The following DTWD2 variants were observed in gnomAD, a reference collection of about 807,000 sequenced individuals.
DTWD2 encodes the protein tRNA-uridine aminocarboxypropyltransferase 2.
In DTWD2, 39 loss-of-function variants were observed where a neutral mutation model predicts 31.8. That is an observed-to-expected ratio of 1.22 (90% confidence interval 0.95 to 1.60). The LOEUF (loss-of-function observed/expected upper bound fraction) is 1.60, where lower values mean the gene tolerates loss of function less well. Among genes scored for constraint, DTWD2 ranks in the 40% most tolerant of loss-of-function variants. The pLI, the probability that DTWD2 is intolerant of heterozygous loss-of-function variation, is 0.00. For missense variants in DTWD2, 515 were observed against 381.5 expected (o/e 1.35, Z -2.92); for synonymous variants, 180 against 142.8 (o/e 1.26, Z -1.86).
chr5:118,914,911 A>G (rs1753539116), intron 4 of DTWD2, among the ~76,000 whole-genome samples: 1 of 152,198 alleles, frequency 6.6e-6, no homozygotes, highest in Non-Finnish European at 1.5e-5. Context: ...CTGGTTTTTA[A>G]AAATCCTTAT....
At chr5:118,842,176 AT>A (rs574574389) in intron 5 of DTWD2, among the ~76,000 whole-genome samples, 2 of 152,302 alleles carry the variant, frequency 1.3e-5, no homozygotes, top group Non-Finnish European at 2.9e-5. Flanking sequence ...AAATTTATTT[AT>A]TGTGATAGTC....
At chr5:118,886,342 G>A (rs951468104) in intron 4 of DTWD2, among the ~76,000 whole-genome samples, 6 of 152,196 alleles carry the variant, frequency 3.9e-5, no homozygotes, top group Non-Finnish European at 7.4e-5. Flanking sequence ...ACAAAGAAAT[G>A]CAGGCAACTC....
chr5:118,890,266 C>T (rs1752949306), intron 4 of DTWD2, among the ~76,000 whole-genome samples: 1 of 152,130 alleles, frequency 6.6e-6, no homozygotes, highest in Admixed American at 6.5e-5. Flanking sequence ...TATTGTTTGT[C>T]CTACACATTT....
intron 4 of DTWD2, among the ~76,000 whole-genome samples, chr5:118,866,934 TA>T (rs1199822587): frequency 6.6e-6 from 1 of 150,534 alleles, no homozygotes; most frequent in Admixed American, 6.6e-5. Flanking sequence ...AAAATGAAAA[TA>T]AAAAAATAAA....
intron 4 of DTWD2, among the ~76,000 whole-genome samples, chr5:118,898,744 G>A (rs976525114): frequency 6.6e-5 from 10 of 151,102 alleles, no homozygotes; most frequent in Admixed American, 5.9e-4. Flanking sequence ...AAAATCTACA[G>A]TATGGTACAA....
chr5:118,880,183 T>G (rs566946459), intron 4 of DTWD2, among the ~76,000 whole-genome samples: 2 of 152,230 alleles, frequency 1.3e-5, no homozygotes, highest in Non-Finnish European at 2.9e-5. Flanking sequence ...TTTTCTGTTG[T>G]GAACAATAAT....
chr5:118,922,550 T>C (rs1005592679), intron 4 of DTWD2, among the ~76,000 whole-genome samples: 9 of 152,336 alleles, frequency 5.9e-5, no homozygotes, highest in African/African-American at 1.7e-4. Flanking sequence ...AACAACATTA[T>C]AGATTTGGGA....
At chr5:118,987,050 T>C (rs1475958857) in intron 1 of DTWD2, among the ~76,000 whole-genome samples, 1 of 152,214 alleles carries the variant, frequency 6.6e-6, no homozygotes, top group East Asian at 1.9e-4. Context: ...TATTTATAAT[T>C]AACAATTCTG....
At chr5:118,888,519 G>C (rs1399701363) in intron 4 of DTWD2, among the ~76,000 whole-genome samples, 1 of 152,142 alleles carries the variant, frequency 6.6e-6, no homozygotes, top group African/African-American at 2.4e-5. Flanking sequence ...TGGACATTTG[G>C]GTTGTTCCTA....
chr5:118,938,402 C>G (rs1754091848), intron 3 of DTWD2, among the ~76,000 whole-genome samples: 1 of 152,070 alleles, frequency 6.6e-6, no homozygotes, highest in South Asian at 2.1e-4. Context: ...ATACTAGAGG[C>G]AAAAATTTAC....
intron 1 of DTWD2, 71 bp downstream of exon 1, chr5:118,988,223 G>A: frequency 6.6e-7 from 1 of 1,520,034 alleles, no homozygotes; most frequent in Non-Finnish European, 8.8e-7. Context: ...CCGACTCCCC[G>A]GCAGGGGGCG....
At chr5:118,953,893 G>C (rs925450685) in intron 1 of DTWD2, among the ~76,000 whole-genome samples, 4 of 152,126 alleles carry the variant, frequency 2.6e-5, no homozygotes, top group Non-Finnish European at 4.4e-5. Context: ...CTAGCAACTG[G>C]TGCTCTGCCT....
intron 4 of DTWD2, among the ~76,000 whole-genome samples, chr5:118,882,097 G>A (rs1156944489): frequency 6.6e-6 from 1 of 152,196 alleles, no homozygotes; most frequent in Non-Finnish European, 1.5e-5. Context: ...TTACTTCCAA[G>A]ATACAATGGG....
chr5:118,884,040 C>T (rs907636477), intron 4 of DTWD2, among the ~76,000 whole-genome samples: 1 of 152,070 alleles, frequency 6.6e-6, no homozygotes, highest in East Asian at 1.9e-4. Context: ...TACAATTTTG[C>T]AGTTACTAGA....
intron 4 of DTWD2, 93 bp downstream of exon 4, chr5:118,928,444 T>C (rs1389879415): frequency 7.1e-6 from 6 of 848,154 alleles, no homozygotes; most frequent in Non-Finnish European, 9.6e-6. Flanking sequence ...CAAATTCATA[T>C]ATAAAAATCT....
intron 4 of DTWD2, among the ~76,000 whole-genome samples, chr5:118,869,062 GTTA>G (rs928127608): frequency 6.6e-6 from 1 of 151,992 alleles, no homozygotes; most frequent in African/African-American, 2.4e-5. Flanking sequence ...AAAAAGGAAA[GTTA>G]TTATTTAATG....
intron 5 of DTWD2, among the ~76,000 whole-genome samples, chr5:118,845,858 G>C (rs911322474): frequency 2.6e-5 from 4 of 151,796 alleles, no homozygotes; most frequent in Admixed American, 2.6e-4. Flanking sequence ...TTTTTTGTTT[G>C]TTTGTTTTTA....
intron 4 of DTWD2, among the ~76,000 whole-genome samples, chr5:118,879,884 C>G (rs533141794): frequency 6.6e-6 from 1 of 152,246 alleles, no homozygotes; most frequent in Admixed American, 6.5e-5. Flanking sequence ...ATGAAATAAT[C>G]TGTACAAAGA....
chr5:118,941,551 G>C, intron 2 of DTWD2, among the ~76,000 whole-genome samples: 1 of 152,144 alleles, frequency 6.6e-6, no homozygotes, highest in Non-Finnish European at 1.5e-5. Context: ...GTGTATATGT[G>C]CCACATTTTC....
Sources: gnomAD v4.1 joint callset for allele counts (sites outside exome capture counted in the v4.1 genomes callset) on GRCh38, gnomAD v4.1.1 for gene constraint, MANE v1.5 for transcripts, NCBI Gene and HGNC (gene_info 2026-07-23, HGNC 2026-07-21) for gene names.